The following PDE10A variants were observed in gnomAD, a reference collection of about 807,000 sequenced individuals.
PDE10A encodes phosphodiesterase 10A.
In PDE10A, 39 loss-of-function variants were observed where a neutral mutation model predicts 97.7. That is an observed-to-expected ratio of 0.40 (90% CI 0.31 to 0.52). The LOEUF (loss-of-function observed/expected upper bound fraction) is 0.52. Ranked by LOEUF, PDE10A falls within the 20% of genes least tolerant of loss-of-function variation. The pLI is 0.56. For synonymous variants in PDE10A, 371 were observed against 376.8 expected, an observed-to-expected ratio of 0.98 and a Z score of 0.18; for missense variants, 731 against 1,047.8, an observed-to-expected ratio of 0.70 and a Z score of 4.17.
At chr6:165,910,711 A>G (rs1782431027) in intron 1 of PDE10A, 1 of 152,096 alleles carries the variant, frequency 6.6e-6, no homozygotes. Context: ...AAAAATGCAA[A>G]ATATCCAAAG....
chr6:165,385,537 G>T (rs1361796002), intron 17 of PDE10A, among the ~76,000 whole-genome samples: 1 of 152,200 alleles, frequency 6.6e-6, no homozygotes, highest in Non-Finnish European at 1.5e-5. Context: ...AGAGGACAGG[G>T]ATTTGTGGTT....
intron 1 of PDE10A, among the ~76,000 whole-genome samples, chr6:165,861,392 G>A (rs375589311): frequency 1.3e-5 from 2 of 151,646 alleles, no homozygotes. Flanking sequence ...TGTCCTCTCG[G>A]GGGGGCGCTA....
At chr6:165,951,946 T>A (rs1783976523) in intron 1 of PDE10A, among the ~76,000 whole-genome samples, 2 of 152,230 alleles carry the variant, frequency 1.3e-5, no homozygotes, top group South Asian at 4.1e-4. Context: ...CTCTAGTTAT[T>A]TATAATAAAT....
At chr6:165,773,257 T>C (rs1778067857) in intron 1 of PDE10A, 1 of 152,222 alleles carries the variant, frequency 6.6e-6, no homozygotes, top group South Asian at 2.1e-4. Context: ...TGAGTCCTCT[T>C]AGATGTTTCC....
At chr6:165,936,911 G>T (rs1305937654) in intron 1 of PDE10A, among the ~76,000 whole-genome samples, 1 of 152,182 alleles carries the variant, frequency 6.6e-6, no homozygotes, top group Non-Finnish European at 1.5e-5. Context: ...TTTGTGCTTT[G>T]GAAAGAATGT....
At chr6:165,751,425 C>T (rs9459500) in intron 1 of PDE10A, among the ~76,000 whole-genome samples, 3,614 of 152,228 alleles carry the variant, frequency 0.024, 61 homozygotes, top group Middle Eastern at 0.068. Flanking sequence ...TGAAGGAGCA[C>T]CCCTTTGAGA....
intron 1 of PDE10A, among the ~76,000 whole-genome samples, chr6:165,945,467 T>C (rs1406868999): frequency 6.6e-6 from 1 of 152,224 alleles, no homozygotes; most frequent in African/African-American, 2.4e-5. Context: ...CCCCAATTTA[T>C]ATGCTTAAAT....
intron 3 of PDE10A, among the ~76,000 whole-genome samples, chr6:165,472,399 T>A (rs1779065861): frequency 6.6e-6 from 1 of 152,176 alleles, no homozygotes; most frequent in African/African-American, 2.4e-5. Flanking sequence ...ATCTATTTTA[T>A]GGAATTGATC....
chr6:165,512,765 T>A (rs1188600825), intron 2 of PDE10A, among the ~76,000 whole-genome samples: 1 of 152,056 alleles, frequency 6.6e-6, no homozygotes, highest in Non-Finnish European at 1.5e-5. Flanking sequence ...ACAAACTGTT[T>A]TCTGAAATAC....
intron 1 of PDE10A, among the ~76,000 whole-genome samples, chr6:165,641,104 A>T (rs576501671): frequency 6.6e-6 from 1 of 152,166 alleles, no homozygotes; most frequent in Non-Finnish European, 1.5e-5. Context: ...AGAGGGATGG[A>T]CCCAAGAGAC....
intron 1 of PDE10A, among the ~76,000 whole-genome samples, chr6:165,636,785 G>A (rs1221103273): frequency 6.6e-6 from 1 of 152,186 alleles, no homozygotes; most frequent in Non-Finnish European, 1.5e-5. Context: ...GTGTTTGCTT[G>A]TGTCAGGCAT....
Position 165,396,360 on chromosome 6 carries a change from T to C in PDE10A, c.2176A>G (p.Met726Val), listed in dbSNP as rs1235485774. ...ICTSEEWQGL[M>V]QFTLPVRLCK... ...AGACGCACGGGAAGGGTGAATTGCA[T>C]GAGACCTTGCCACTCTTCTGAAGTA... is the stretch of plus-strand genomic sequence containing the variant. Residue 726 changes from methionine to valine, a missense_variant, in exon 14 of 22, where the codon ATG (methionine) becomes GTG (valine). By Grantham distance (21) the Met-to-Val change is conservative (BLOSUM62 1). Transcript: ENST00000539869. The C allele has an allele frequency of 6.2e-7, 1 of 1,613,632 alleles. No homozygotes were observed. The highest frequency in any genetic ancestry group is 8.5e-7 in the Non-Finnish European group (1 of 1,179,692).
chr6:165,609,025 T>C (rs1013692205), intron 1 of PDE10A, among the ~76,000 whole-genome samples: 4 of 152,302 alleles, frequency 2.6e-5, no homozygotes, highest in East Asian at 1.9e-4. Context: ...GTCAGATGAG[T>C]AGATTGCAAA....
intron 1 of PDE10A, among the ~76,000 whole-genome samples, chr6:165,806,604 G>C (rs1163494868): frequency 6.6e-6 from 1 of 152,158 alleles, no homozygotes; most frequent in South Asian, 2.1e-4. Context: ...CTCCTATTGC[G>C]TCTCTTCAGC....
chr6:165,834,974 G>A (rs1780028784), intron 1 of PDE10A, among the ~76,000 whole-genome samples: 1 of 152,220 alleles, frequency 6.6e-6, no homozygotes, highest in Non-Finnish European at 1.5e-5. Flanking sequence ...GCCAGGGCTT[G>A]GGAGCTCAGG....
intron 1 of PDE10A, among the ~76,000 whole-genome samples, chr6:165,833,016 CAATT>C (rs1468492939): frequency 6.6e-6 from 1 of 152,218 alleles, no homozygotes; most frequent in Non-Finnish European, 1.5e-5. Context: ...GCTGGAAAAA[CAATT>C]AACACCATCA....
At chr6:165,541,681 A>G (rs1783448785) in intron 2 of PDE10A, among the ~76,000 whole-genome samples, 1 of 152,210 alleles carries the variant, frequency 6.6e-6, no homozygotes, top group African/African-American at 2.4e-5. Flanking sequence ...TCAAACATTT[A>G]AACTGTTTTC....
intron 1 of PDE10A, among the ~76,000 whole-genome samples, chr6:165,900,063 G>C (rs1782061450): frequency 6.6e-6 from 1 of 152,216 alleles, no homozygotes; most frequent in African/African-American, 2.4e-5. Flanking sequence ...AGGTTCGCTG[G>C]TGCCCTGCAG....
At chr6:165,406,331 G>A (rs1401315840) in intron 13 of PDE10A, among the ~76,000 whole-genome samples, 2 of 151,042 alleles carry the variant, frequency 1.3e-5, no homozygotes, top group Non-Finnish European at 2.9e-5. Context: ...GTGACTCAAT[G>A]CACTGGTATA....
Sources: allele counts gnomAD v4.1 joint callset (sites outside exome capture counted in the v4.1 genomes callset), GRCh38; gene constraint gnomAD v4.1.1; transcripts MANE v1.5; gene names NCBI Gene and HGNC (gene_info 2026-07-23, HGNC 2026-07-21).